The following ARL15 variants were observed in gnomAD, a reference collection of about 807,000 sequenced individuals.
ARL15 encodes ADP-ribosylation factor-like protein 15.
Under a neutral mutation model 25.2 loss-of-function variants are expected in ARL15, and 19 were observed. The observed-to-expected ratio is 0.75, with a 90% confidence interval of 0.53 to 1.10. ARL15 has a LOEUF of 1.10. Among genes scored for constraint, ARL15 ranks in the 50% least tolerant of loss-of-function variants. The pLI is 0.00. For synonymous variants in ARL15, 94 were observed against 86.8 expected, an observed-to-expected ratio of 1.08 and a Z score of -0.46; for missense variants, 220 against 246.0, an observed-to-expected ratio of 0.89 and a Z score of 0.71.
intron 4 of ARL15, among the ~76,000 whole-genome samples, chr5:53,947,701 G>A (rs1580108239): frequency 1.3e-5 from 2 of 152,110 alleles, no homozygotes; most frequent in African/African-American, 4.8e-5. Flanking sequence ...ACTAGACCCC[G>A]AGGTCTAATT....
chr5:54,012,904 A>G (rs1014256040), intron 4 of ARL15, among the ~76,000 whole-genome samples: 1 of 149,280 alleles, frequency 6.7e-6, no homozygotes, highest in Non-Finnish European at 1.5e-5. Flanking sequence ...CTCACAAGCA[A>G]TTCTCCTGCC....
chr5:54,065,859 T>C (rs1377215947), intron 4 of ARL15, among the ~76,000 whole-genome samples: 1 of 152,224 alleles, frequency 6.6e-6, no homozygotes, highest in Non-Finnish European at 1.5e-5. Flanking sequence ...TAAAATGCAA[T>C]GTTAATCATA....
At chr5:54,154,930 G>T (rs570150668) in intron 2 of ARL15, among the ~76,000 whole-genome samples, 2 of 152,208 alleles carry the variant, frequency 1.3e-5, no homozygotes, top group South Asian at 4.2e-4. Flanking sequence ...AGACCATCCT[G>T]GGCAACATGG....
intron 3 of ARL15, among the ~76,000 whole-genome samples, chr5:54,130,775 GAC>G (rs1332130778): frequency 1.3e-5 from 2 of 152,134 alleles, no homozygotes; most frequent in Non-Finnish European, 2.9e-5. Flanking sequence ...AAGAACCAGG[GAC>G]ACAGGTACAT....
At chr5:54,285,928 T>C (rs1412873377) in intron 1 of ARL15, among the ~76,000 whole-genome samples, 3 of 152,112 alleles carry the variant, frequency 2.0e-5, no homozygotes, top group African/African-American at 4.8e-5. Context: ...CCTTTCTGAG[T>C]AAAGGTCGCG....
intron 4 of ARL15, among the ~76,000 whole-genome samples, chr5:53,912,465 AT>A (rs1325428326): frequency 1.3e-5 from 2 of 152,182 alleles, no homozygotes; most frequent in Non-Finnish European, 1.5e-5. Flanking sequence ...TTGGGATGAG[AT>A]TTGTTGCAAT....
intron 1 of ARL15, among the ~76,000 whole-genome samples, chr5:54,207,707 G>C (rs532612160): frequency 1.2e-4 from 19 of 152,174 alleles, no homozygotes; most frequent in Non-Finnish European, 1.5e-4. Context: ...GTGAAAGAAA[G>C]GTGGGCCACA....
At chr5:54,207,060 T>G (rs915293396) in intron 1 of ARL15, among the ~76,000 whole-genome samples, 1 of 152,234 alleles carries the variant, frequency 6.6e-6, no homozygotes, top group African/African-American at 2.4e-5. Flanking sequence ...ATCTCCTTTC[T>G]CAAAGCACCC....
chr5:54,309,057 CTT>C (rs1758831249), intron 1 of ARL15, among the ~76,000 whole-genome samples: 1 of 152,196 alleles, frequency 6.6e-6, no homozygotes, highest in Non-Finnish European at 1.5e-5. Flanking sequence ...TGGCAGCTCT[CTT>C]AACTTACAGG....
chr5:54,034,412 G>C (rs1044362320), intron 4 of ARL15, among the ~76,000 whole-genome samples: 1 of 152,050 alleles, frequency 6.6e-6, no homozygotes, highest in Non-Finnish European at 1.5e-5. Context: ...TCTTGAAATT[G>C]ACAATAGAGC....
intron 1 of ARL15, among the ~76,000 whole-genome samples, chr5:54,247,188 A>G (rs1305976391): frequency 6.6e-6 from 1 of 151,870 alleles, no homozygotes; most frequent in African/African-American, 2.4e-5. Context: ...ATTTCCTATT[A>G]AAAGTAACCT....
intron 4 of ARL15, among the ~76,000 whole-genome samples, chr5:54,112,842 G>A (rs1159837213): frequency 2.0e-5 from 3 of 152,098 alleles, no homozygotes; most frequent in Non-Finnish European, 2.9e-5. Context: ...AGTAATGCAT[G>A]GAAATACTCA....
intron 4 of ARL15, among the ~76,000 whole-genome samples, chr5:54,083,138 AG>A (rs1751857749): frequency 6.6e-6 from 1 of 152,248 alleles, no homozygotes; most frequent in South Asian, 2.1e-4. Flanking sequence ...TAATTTACCA[AG>A]GAAGAAATAA....
intron 1 of ARL15, among the ~76,000 whole-genome samples, chr5:54,268,782 GGCA>G (rs1757698253): frequency 6.6e-6 from 1 of 151,990 alleles, no homozygotes; most frequent in Non-Finnish European, 1.5e-5. Flanking sequence ...ATATGTTTAT[GGCA>G]GCACTATTCA....
chr5:53,886,227 G>A lies in ARL15; in HGVS notation c.*334C>T, dbSNP rs1744521297. On this transcript the variant is annotated 3_prime_UTR_variant, in exon 5 of 5. Coordinates refer to ENST00000504924, the MANE Select transcript of ARL15 (RefSeq NM_019087.3). ...GTGAGTCTTTCTGAGTCCTTCAAAA[G>A]GGATTTGATTTCCATAAGCCATGAA... 1 of 172,044 alleles carries A rather than the reference G, an allele frequency of 5.8e-6. No homozygotes were observed. The highest frequency in any genetic ancestry group is 2.4e-5 in the African/African-American group (1 of 42,092). The allele number at this position is 172,044 out of a possible 1,614,324, so 10.7% of individuals were successfully genotyped here. A position where few individuals can be genotyped will look rare whatever the true frequency, so the allele number is the denominator to read the frequency against.
intron 1 of ARL15, among the ~76,000 whole-genome samples, chr5:54,275,432 G>C (rs1199307267): frequency 6.6e-6 from 1 of 152,128 alleles, no homozygotes; most frequent in African/African-American, 2.4e-5. Context: ...ACTGGGATGT[G>C]AGGGCAAGTG....
In ARL15 at chr5:53,959,847, A is replaced by G. The variant is rs146213121; in HGVS notation, c.463-73134T>C. Among the ~76,000 whole-genome samples, 15 of 152,116 alleles carry G rather than the reference A, an allele frequency of 9.9e-5. 1 individual carries two copies. The East Asian group carries it at 2.9e-3, about 29-fold the overall frequency. ...CATTGTAACTCCCACACTTAGCACTATCATAGGATACATTTTACTTTGCTA... is the reference window on the plus strand; with the variant it reads ...CATTGTAACTCCCACACTTAGCACTGTCATAGGATACATTTTACTTTGCTA... On this transcript the variant is annotated intron_variant, in intron 4 of 4. Transcript: ENST00000504924.
At chr5:54,089,699 A>G (rs695922) in intron 4 of ARL15, among the ~76,000 whole-genome samples, 123,496 of 152,004 alleles carry the variant, frequency 0.81, 50,428 homozygotes, top group East Asian at 0.89. Flanking sequence ...AGGAGATACC[A>G]GTCAATGTAG....
intron 4 of ARL15, among the ~76,000 whole-genome samples, chr5:54,031,028 C>T (rs746131129): frequency 2.6e-5 from 4 of 152,062 alleles, no homozygotes; most frequent in Non-Finnish European, 2.9e-5. Context: ...TTTCTATACA[C>T]GTGGAAGCTA....
Sources: allele counts gnomAD v4.1 joint callset (sites outside exome capture counted in the v4.1 genomes callset), GRCh38; gene constraint gnomAD v4.1.1; transcripts MANE v1.5; gene names NCBI Gene and HGNC (gene_info 2026-07-23, HGNC 2026-07-21).